PDE10A: variants seen among roughly 807,000 people sequenced by gnomAD.
PDE10A encodes cAMP and cAMP-inhibited cGMP 3',5'-cyclic phosphodiesterase 10A.
A neutral mutation model predicts 97.7 loss-of-function variants in PDE10A; 39 were observed. The ratio of observed to expected loss-of-function variants is 0.40; its 90% CI spans 0.31 to 0.52. PDE10A has a LOEUF of 0.52. PDE10A is among the 20% of genes least tolerant of loss of function. PDE10A has a pLI of 0.56. For missense variants in PDE10A, 731 were observed against 1,047.8 expected (o/e 0.70, Z 4.17); for synonymous variants, 371 against 376.8 (o/e 0.98, Z 0.18).
At chr6:165,642,040 C>T (rs1005179302) in intron 1 of PDE10A, among the ~76,000 whole-genome samples, 2 of 151,904 alleles carry the variant, frequency 1.3e-5, no homozygotes, top group Non-Finnish European at 2.9e-5. Context: ...GTGATGTGCT[C>T]ATTTCATCGG....
chr6:165,452,959 T>A (rs373893848), intron 3 of PDE10A, among the ~76,000 whole-genome samples: 1 of 150,938 alleles, frequency 6.6e-6, no homozygotes, highest in African/African-American at 2.4e-5. Flanking sequence ...ACTTAAGTGG[T>A]CACAATCAGA....
intron 1 of PDE10A, among the ~76,000 whole-genome samples, chr6:165,567,532 CT>C (rs1349399561): frequency 6.6e-6 from 1 of 152,120 alleles, no homozygotes; most frequent in Non-Finnish European, 1.5e-5. Context: ...CTAATAGTGC[CT>C]TTTCTTCACT....
At chr6:165,972,603 C>G (rs1784717032) in intron 1 of PDE10A, among the ~76,000 whole-genome samples, 1 of 152,152 alleles carries the variant, frequency 6.6e-6, no homozygotes, top group Non-Finnish European at 1.5e-5. Context: ...CCAGCAGGGA[C>G]AGTGATGACA....
intron 2 of PDE10A, among the ~76,000 whole-genome samples, chr6:165,490,142 A>G (rs1222773223): frequency 6.6e-6 from 1 of 152,256 alleles, no homozygotes; most frequent in East Asian, 1.9e-4. Flanking sequence ...GCACAGAGTC[A>G]TCGGATTATC....
At chr6:165,646,045 G>A (rs1184700964) in intron 1 of PDE10A, among the ~76,000 whole-genome samples, 1 of 152,066 alleles carries the variant, frequency 6.6e-6, no homozygotes, top group East Asian at 1.9e-4. Context: ...CCTAAAATAG[G>A]AGCATGCTTG....
rs1781971279 is a variant in PDE10A at position 165,341,537 on chromosome 6, G to C, written c.2895+1854C>G. 3.3e-5 allele frequency among the ~76,000 whole-genome samples: 5 copies of C among 152,112 alleles called. No individual in the cohort carries two copies. In the South Asian group the frequency reaches 8.3e-4, roughly 25 times the overall value. ...ATTTCACAAACAGTGCAAGGTTTTT[G>C]CTCCTGTTGTCATAGCTGCAGTGAT... On this transcript the variant is annotated intron_variant, in intron 19 of 21. Transcript: ENST00000539869.
chr6:165,726,069 T>C (rs1277135093), intron 1 of PDE10A, among the ~76,000 whole-genome samples: 1 of 152,170 alleles, frequency 6.6e-6, no homozygotes, highest in African/African-American at 2.4e-5. Context: ...TGATTTAATA[T>C]AGACAAGAAC....
rs575023399 is a variant in PDE10A, at chr6:165,328,657, T to C, written c.*4368A>G. On this transcript the variant is annotated 3_prime_UTR_variant, in exon 22 of 22. Transcript: ENST00000539869. ...AGAGAAACATCAAGTGAGGACAGCA[T>C]TGCTTCTTCGGATGTTAAATGTGTT... The C allele has an allele frequency of 1.3e-5, 2 of 152,360 alleles. No homozygotes were observed. The highest frequency in any genetic ancestry group is 2.1e-4 in the South Asian group (1 of 4,830). 9.4% of individuals were successfully genotyped at this position (152,360 alleles called of 1,614,324 possible).
At chr6:165,776,699 C>T (rs1178828580) in intron 1 of PDE10A, among the ~76,000 whole-genome samples, 1 of 152,226 alleles carries the variant, frequency 6.6e-6, no homozygotes, top group Non-Finnish European at 1.5e-5. Flanking sequence ...CTCTTTCCAT[C>T]CCTCCTGGGC....
intron 16 of PDE10A, among the ~76,000 whole-genome samples, chr6:165,390,519 A>G: frequency 6.6e-6 from 1 of 152,174 alleles, no homozygotes; most frequent in Middle Eastern, 3.2e-3. Context: ...GTACATGCAG[A>G]TGGCAATGAT....
intron 1 of PDE10A, chr6:165,948,986 G>A (rs919402532): frequency 2.0e-5 from 3 of 152,232 alleles, no homozygotes; most frequent in Non-Finnish European, 4.4e-5. Flanking sequence ...TCTTGCCACA[G>A]GGCACCTACT....
chr6:165,821,934 T>A (rs545082768), intron 1 of PDE10A, among the ~76,000 whole-genome samples: 1 of 152,242 alleles, frequency 6.6e-6, no homozygotes, highest in Admixed American at 6.5e-5. Context: ...TTAGAAGTGG[T>A]TACATTCCTG....
intron 1 of PDE10A, among the ~76,000 whole-genome samples, chr6:165,853,312 C>A (rs1434326088): frequency 6.6e-6 from 1 of 152,148 alleles, no homozygotes; most frequent in Non-Finnish European, 1.5e-5. Flanking sequence ...TCTGGAAGGC[C>A]ACTGTGTTTG....
At chr6:165,903,473 T>G (rs1782169962) in intron 1 of PDE10A, among the ~76,000 whole-genome samples, 1 of 152,122 alleles carries the variant, frequency 6.6e-6, no homozygotes, top group Non-Finnish European at 1.5e-5. Context: ...GAGAGAGTTT[T>G]GGTTGGAGTT....
chr6:165,801,405 C>A (rs1744618587), intron 1 of PDE10A, among the ~76,000 whole-genome samples: 1 of 152,114 alleles, frequency 6.6e-6, no homozygotes, highest in Non-Finnish European at 1.5e-5. Flanking sequence ...ATTAGCAAGG[C>A]ATGGTGGTAC....
At chr6:165,621,847 A>G (rs1266831931) in intron 1 of PDE10A, among the ~76,000 whole-genome samples, 3 of 152,164 alleles carry the variant, frequency 2.0e-5, no homozygotes, top group Admixed American at 6.5e-5. Flanking sequence ...CTCACATGGT[A>G]TCACAGCCAC....
intron 1 of PDE10A, among the ~76,000 whole-genome samples, chr6:165,829,773 G>A (rs1477195501): frequency 3.3e-5 from 5 of 152,146 alleles, no homozygotes; most frequent in Non-Finnish European, 7.3e-5. Flanking sequence ...CTGGTATCTG[G>A]CATGGAGGAG....
chr6:165,735,302 GTAGA>G (rs949770090), intron 1 of PDE10A, among the ~76,000 whole-genome samples: 46 of 151,694 alleles, frequency 3.0e-4, no homozygotes, highest in Non-Finnish European at 2.2e-4. Context: ...AGGTAGGTTG[GTAGA>G]TAGATAGGTA....
chr6:165,656,627 T>C (rs1225051090), intron 1 of PDE10A, among the ~76,000 whole-genome samples: 2 of 152,138 alleles, frequency 1.3e-5, no homozygotes, highest in Admixed American at 6.5e-5. Context: ...TCCTGTCTTA[T>C]CACCCGGGTC....
Sources: allele counts gnomAD v4.1 joint callset (sites outside exome capture counted in the v4.1 genomes callset), GRCh38; gene constraint gnomAD v4.1.1; transcripts MANE v1.5; gene names NCBI Gene and HGNC (gene_info 2026-07-23, HGNC 2026-07-21).